Variants in KMT2C observed in about 807,000 individuals in gnomAD.
The protein encoded by KMT2C is lysine methyltransferase 2C, also known as histone-lysine N-methyltransferase 2C.
KMT2C carries 88 observed loss-of-function variants against 507.9 expected under a neutral mutation model. That is an observed-to-expected ratio of 0.17 (90% CI 0.15 to 0.21). KMT2C has a LOEUF of 0.21. Among genes scored for constraint, KMT2C ranks in the 10% least tolerant of loss-of-function variants. KMT2C has a pLI of 1.00. For missense variants in KMT2C, 4,954 were observed against 5,957.8 expected, an observed-to-expected ratio of 0.83 and a Z score of 5.55; for synonymous variants, 2,049 against 2,080.8, an observed-to-expected ratio of 0.98 and a Z score of 0.42.
chr7:152,258,498 TTTGTTGTTGTTG>T (rs202144630), intron 9 of KMT2C, among the ~76,000 whole-genome samples: 12 of 151,452 alleles, frequency 7.9e-5, no homozygotes, highest in Admixed American at 3.9e-4. Flanking sequence ...AGGCAGTAAG[TTTGTTGTTGTTG>T]TTGTTGTTGC....
chr7:152,213,042 T>C (rs1180819869), intron 23 of KMT2C, among the ~76,000 whole-genome samples: 1 of 152,204 alleles, frequency 6.6e-6, no homozygotes, highest in Non-Finnish European at 1.5e-5. Context: ...AGCGTGACTC[T>C]GTCTCAAAAA....
At chr7:152,373,884 T>A (rs1041180557) in intron 1 of KMT2C, among the ~76,000 whole-genome samples, 11 of 152,182 alleles carry the variant, frequency 7.2e-5, no homozygotes, top group East Asian at 1.9e-4. Context: ...TAATTTTTTT[T>A]AAAAAGGGAC....
chr7:152,360,100 A>G (rs2097184549), intron 1 of KMT2C, among the ~76,000 whole-genome samples: 1 of 150,886 alleles, frequency 6.6e-6, no homozygotes, highest in Non-Finnish European at 1.5e-5. Context: ...TATGAAATAA[A>G]AGAATAATAT....
chr7:152,389,267 A>G (rs2097465643), intron 1 of KMT2C, among the ~76,000 whole-genome samples: 1 of 148,390 alleles, frequency 6.7e-6, no homozygotes, highest in South Asian at 2.2e-4. Flanking sequence ...CGGGAGGCTG[A>G]GGTAGGAGAA....
intron 9 of KMT2C, among the ~76,000 whole-genome samples, chr7:152,253,954 T>C (rs1439720712): frequency 6.6e-6 from 1 of 152,074 alleles, no homozygotes. Flanking sequence ...GGGGCTCTCA[T>C]TACCCACCCC....
In KMT2C at chr7:152,181,225, G is replaced by A; in HGVS notation, c.6635C>T (p.Pro2212Leu). Residue 2212 changes from proline (P) to leucine (L), a missense_variant, in exon 36 of 59, where the codon CCT (proline) becomes CTT (leucine). Transcript: ENST00000262189. ...CTGAGAGTAAGGGACAGAAATTCCA[G>A]GTCTTGGTGTTCCAGGAGGATGAGC... ...PYAHPPGTPR[P>L]GISVPYSQPP... The A allele has an allele frequency of 1.2e-6, 2 of 1,614,086 alleles. No individual in the cohort carries two copies. Among genetic ancestry groups the A allele is most frequent in the African/African-American group, 1.3e-5 (1 of 75,008 alleles).
At chr7:152,307,676 A>T (rs1453017285) in intron 6 of KMT2C, among the ~76,000 whole-genome samples, 1 of 152,204 alleles carries the variant, frequency 6.6e-6, no homozygotes, top group Non-Finnish European at 1.5e-5. Context: ...CACAGTCTTC[A>T]TCTCTAAATA....
At chr7:152,294,882 G>A (rs896969924) in intron 6 of KMT2C, among the ~76,000 whole-genome samples, 1 of 151,866 alleles carries the variant, frequency 6.6e-6, no homozygotes, top group Non-Finnish European at 1.5e-5. Context: ...TTGACCAAAG[G>A]ATCAATCTTC....
At chr7:152,392,590 T>C (rs1415255861) in intron 1 of KMT2C, among the ~76,000 whole-genome samples, 5 of 152,214 alleles carry the variant, frequency 3.3e-5, no homozygotes, top group Non-Finnish European at 7.3e-5. Context: ...GCGCAGTGTT[T>C]AATGAACTTG....
chr7:152,381,236 T>G (rs1449223345), intron 1 of KMT2C, among the ~76,000 whole-genome samples: 1 of 152,104 alleles, frequency 6.6e-6, no homozygotes, highest in Non-Finnish European at 1.5e-5. Flanking sequence ...TAACATTTAT[T>G]TAGTGGGATT....
At chr7:152,350,834 T>C (rs1270212877) in intron 2 of KMT2C, among the ~76,000 whole-genome samples, 1 of 152,152 alleles carries the variant, frequency 6.6e-6, no homozygotes, top group Non-Finnish European at 1.5e-5. Flanking sequence ...CTTTATAAAC[T>C]TTTTTTAAAC....
At chr7:152,160,888 C>T (rs759309293) in intron 43 of KMT2C, among the ~76,000 whole-genome samples, 7 of 151,890 alleles carry the variant, frequency 4.6e-5, no homozygotes, top group Non-Finnish European at 1.0e-4. Context: ...TGTGAGAACA[C>T]GAGCATCAAC....
At chr7:152,425,979 ACT>A (rs1055834944) in intron 1 of KMT2C, among the ~76,000 whole-genome samples, 2 of 152,190 alleles carry the variant, frequency 1.3e-5, no homozygotes, top group Admixed American at 6.6e-5. Context: ...GTAAAAATCT[ACT>A]CTAACAACAT....
chr7:152,284,989 C>T (rs2096273255), intron 6 of KMT2C, among the ~76,000 whole-genome samples: 1 of 152,048 alleles, frequency 6.6e-6, no homozygotes, highest in African/African-American at 2.4e-5. Flanking sequence ...ACTTAAGAAA[C>T]TGTGAAACTG....
At chr7:152,330,763 A>T in intron 2 of KMT2C, 24 bp from the exon 3 acceptor site, 1 of 1,609,144 alleles carries the variant, frequency 6.2e-7, no homozygotes, top group Non-Finnish European at 8.5e-7. Context: ...AACAAGAGAA[A>T]ACAAAGAGTC....
At chr7:152,252,144 G>C (rs1378519963) in intron 10 of KMT2C, 54 bp from the exon 11 acceptor site, 2 of 1,325,200 alleles carry the variant, frequency 1.5e-6, no homozygotes, top group South Asian at 3.0e-5. Flanking sequence ...TTATTATCTA[G>C]GTAAAGAGAA....
intron 51 of KMT2C, among the ~76,000 whole-genome samples, chr7:152,150,289 A>G (rs2091498451): frequency 6.6e-6 from 1 of 152,186 alleles, no homozygotes; most frequent in Non-Finnish European, 1.5e-5. Context: ...AGGTTTTCCT[A>G]TTGGGGTAAC....
rs909981551 is a variant in KMT2C, at chr7:152,224,738, T to C, written c.2977-122A>G. ...AGAAAAGAGGCAATCAACTAACATT[T>C]ATTGAGCACCTACGGAGGCCCAATA... On this transcript the variant is annotated intron_variant, in intron 18 of 58. Coordinates refer to ENST00000262189, the MANE Select transcript of KMT2C (RefSeq NM_170606.3). The C allele has an allele frequency of 1.7e-5, 12 of 724,758 alleles. No homozygotes were observed. In the African/African-American group the frequency reaches 2.1e-4, roughly 13 times the overall value. 44.9% of individuals were successfully genotyped at this position (724,758 alleles called of 1,614,324 possible). A position where few individuals can be genotyped will look rare whatever the true frequency, so the allele number is the denominator to read the frequency against.
At chr7:152,291,310 A>G (rs1169762857) in intron 6 of KMT2C, among the ~76,000 whole-genome samples, 1 of 152,298 alleles carries the variant, frequency 6.6e-6, no homozygotes, top group East Asian at 1.9e-4. Context: ...AAAAATTCAT[A>G]GGATTTGATG....
Sources: gnomAD v4.1 joint callset for allele counts (sites outside exome capture counted in the v4.1 genomes callset) on GRCh38, gnomAD v4.1.1 for gene constraint, MANE v1.5 for transcripts, NCBI Gene and HGNC (gene_info 2026-07-23, HGNC 2026-07-21) for gene names.